The following CPLANE1 variants were observed in gnomAD, a reference collection of about 807,000 sequenced individuals.
CPLANE1 encodes ciliogenesis and planar polarity effector 1.
Under a neutral mutation model 362.5 loss-of-function variants are expected in CPLANE1, and 263 were observed. That is an observed-to-expected ratio of 0.73 (90% confidence interval 0.66 to 0.80). The LOEUF (loss-of-function observed/expected upper bound fraction) is 0.80, where lower values mean the gene tolerates loss of function less well. Ranked by LOEUF, CPLANE1 falls within the 30% of genes least tolerant of loss-of-function variation. The pLI is 0.00. For missense variants in CPLANE1, 3,461 were observed against 3,793.4 expected (o/e 0.91, Z 2.30); for synonymous variants, 1,212 against 1,302.6 (o/e 0.93, Z 1.50).
At chr5:37,243,463 T>G (rs2150772304) in intron 5 of CPLANE1, among the ~76,000 whole-genome samples, 1 of 151,858 alleles carries the variant, frequency 6.6e-6, no homozygotes, top group Middle Eastern at 3.4e-3. Context: ...ACAATAAAAC[T>G]TCAAAGTGAA....
At chr5:37,235,954 C>T (rs1798902603) in intron 8 of CPLANE1, among the ~76,000 whole-genome samples, 1 of 151,524 alleles carries the variant, frequency 6.6e-6, no homozygotes, top group Non-Finnish European at 1.5e-5. Context: ...ACCACAACCT[C>T]CACCGCCAGG....
At chr5:37,217,904 C>T (rs140756744) in intron 15 of CPLANE1, among the ~76,000 whole-genome samples, 370 of 151,776 alleles carry the variant, frequency 2.4e-3, no homozygotes, top group Middle Eastern at 0.01. Context: ...TGCTTGAACC[C>T]GGGAGGCAGA....
At chr5:37,089,254 C>T in the CPLANE1 span, among the ~76,000 whole-genome samples, 6 of 152,120 alleles carry the variant, frequency 3.9e-5, no homozygotes, top group South Asian at 2.1e-4. Context: ...GCAGAGCACA[C>T]GCCCCCTAAC....
intron 31 of CPLANE1, 96 bp downstream of exon 31, chr5:37,175,813 G>T: frequency 1.3e-6 from 1 of 788,938 alleles, no homozygotes; most frequent in Non-Finnish European, 2.1e-6. Flanking sequence ...TCAAAATGTA[G>T]CAATTGTTTC....
At chr5:37,166,134 A>G (rs1345084244) in intron 35 of CPLANE1, among the ~76,000 whole-genome samples, 1 of 152,238 alleles carries the variant, frequency 6.6e-6, no homozygotes, top group Non-Finnish European at 1.5e-5. Flanking sequence ...AAATTTCTGG[A>G]AAGAGAGCAC....
At chr5:37,237,110 A>C (rs1799172398) in intron 8 of CPLANE1, among the ~76,000 whole-genome samples, 2 of 152,194 alleles carry the variant, frequency 1.3e-5, no homozygotes, top group Non-Finnish European at 1.5e-5. Context: ...AAGGGAAAGA[A>C]ATCATTATAT....
chr5:37,183,147 A>G lies in CPLANE1; in HGVS notation c.5034T>C (p.Phe1678=). The G allele has an allele frequency of 6.2e-7, 1 of 1,612,924 alleles. No individual in the cohort carries two copies. The highest frequency in any genetic ancestry group is 8.5e-7 in the Non-Finnish European group (1 of 1,179,616). The change falls in exon 26 of 53, where the codon TTT becomes TTC. Residue 1678 remains phenylalanine (F), a synonymous_variant. Coordinates refer to ENST00000651892, the MANE Select transcript of CPLANE1 (RefSeq NM_001384732.1). ...TGTAAATTGACCTTTGTTTTAAACC[A>G]AATAATCCACTCATTCCTTCATTCT... ...VNKNEGMSGL[F]GLKQRSIYKI... is the part of the protein sequence containing the mutation.
intron 51 of CPLANE1, among the ~76,000 whole-genome samples, chr5:37,112,042 T>C (rs1351347486): frequency 6.6e-6 from 1 of 152,164 alleles, no homozygotes; most frequent in African/African-American, 2.4e-5. Flanking sequence ...CTTCAAGTAT[T>C]CACGATATGA....
At chr5:37,143,658 G>T (rs1368175624) in intron 43 of CPLANE1, among the ~76,000 whole-genome samples, 1 of 152,204 alleles carries the variant, frequency 6.6e-6, no homozygotes, top group East Asian at 1.9e-4. Flanking sequence ...AGGAGGCCAG[G>T]CACAGTGGTT....
intron 2 of CPLANE1, among the ~76,000 whole-genome samples, chr5:37,246,926 A>G (rs548803628): frequency 1.3e-5 from 2 of 152,312 alleles, no homozygotes; most frequent in East Asian, 3.9e-4. Flanking sequence ...AAATAAAAAA[A>G]TACAAAATAT....
At chr5:37,168,708 T>A in intron 34 of CPLANE1, 83 bp downstream of exon 34, 1 of 1,152,698 alleles carries the variant, frequency 8.7e-7, no homozygotes, top group Non-Finnish European at 1.2e-6. Context: ...GTACAAGAGC[T>A]TTTCAGTGAC....
rs370156540 is a variant in CPLANE1, at chr5:37,169,293, C to T, written c.6731G>A (p.Gly2244Glu). 2 of 1,613,996 alleles carry T rather than the reference C, an allele frequency of 1.2e-6. No individual in the cohort carries two copies. The highest frequency in any genetic ancestry group is 2.7e-5 in the African/African-American group (2 of 74,896). Residue 2244 changes from glycine to glutamate, a missense_variant, in exon 34 of 53, where the codon GGA becomes GAA. Physicochemically the swap from Gly to Glu is moderately conservative, Grantham distance 98. Transcript: ENST00000651892. ...QEFQPLFLHT[G>E]SIPQVPFRPL... Reference sequence around the variant, plus strand: ...CCTGAAGGGAACTTGTGGAATACTTCCTGTATGTAAGAAAAGGGGCTGGAA... The same window carrying T: ...CCTGAAGGGAACTTGTGGAATACTTTCTGTATGTAAGAAAAGGGGCTGGAA...
chr5:37,165,712 A>G (rs1488980040), intron 35 of CPLANE1, 41 bp from the exon 36 acceptor site: 1 of 1,545,804 alleles, frequency 6.5e-7, no homozygotes, highest in Admixed American at 2.3e-5. Context: ...TTACAACTAT[A>G]GCAACATTTG....
At chr5:37,238,329 C>T (rs980871853) in intron 8 of CPLANE1, among the ~76,000 whole-genome samples, 2 of 151,534 alleles carry the variant, frequency 1.3e-5, no homozygotes, top group African/African-American at 4.9e-5. Flanking sequence ...CATGCCACCA[C>T]ACTTGGCTAA....
chr5:37,159,875 G>A (rs950134524), intron 38 of CPLANE1, among the ~76,000 whole-genome samples: 5 of 152,272 alleles, frequency 3.3e-5, no homozygotes, highest in South Asian at 2.1e-4. Context: ...CACATGATAT[G>A]CAAGAAATTA....
chr5:37,116,265 A>C (rs1760927333), intron 50 of CPLANE1, among the ~76,000 whole-genome samples: 1 of 152,066 alleles, frequency 6.6e-6, no homozygotes, highest in Admixed American at 6.6e-5. Context: ...CTGGCGGATC[A>C]CTTGAGGCCA....
intron 46 of CPLANE1, among the ~76,000 whole-genome samples, chr5:37,128,421 G>C (rs1054950767): frequency 6.6e-6 from 1 of 152,228 alleles, no homozygotes; most frequent in Non-Finnish European, 1.5e-5. Context: ...GCTGCGTGCA[G>C]ATGGTGTCAC....
intron 50 of CPLANE1, among the ~76,000 whole-genome samples, chr5:37,115,889 G>A (rs1003884738): frequency 5.3e-5 from 8 of 151,738 alleles, no homozygotes; most frequent in Admixed American, 3.3e-4. Context: ...CACCATGCCC[G>A]GCCGACTTTT....
At chr5:37,167,026 A>C in intron 35 of CPLANE1, 21 bp downstream of exon 35, 1 of 1,577,280 alleles carries the variant, frequency 6.3e-7, no homozygotes, top group Non-Finnish European at 8.7e-7. Flanking sequence ...ATTATCAAAT[A>C]AAATTTCACT....
Sources: gnomAD v4.1 joint callset for allele counts (sites outside exome capture counted in the v4.1 genomes callset) on GRCh38, gnomAD v4.1.1 for gene constraint, MANE v1.5 for transcripts, NCBI Gene and HGNC (gene_info 2026-07-23, HGNC 2026-07-21) for gene names.